ZNF429: variants seen among roughly 807,000 people sequenced by gnomAD.
ZNF429 encodes the protein zinc finger protein 429.
A neutral mutation model predicts 56.8 loss-of-function variants in ZNF429; 53 were observed. That is an observed-to-expected ratio of 0.93 (90% confidence interval 0.75 to 1.17). The LOEUF (loss-of-function observed/expected upper bound fraction) is 1.17. ZNF429 is among the 50% of genes most tolerant of loss of function. The pLI is 0.00. For missense variants in ZNF429, 849 were observed against 788.4 expected (o/e 1.08, Z -0.92); for synonymous variants, 278 against 264.7 (o/e 1.05, Z -0.49).
intron 1 of ZNF429, among the ~76,000 whole-genome samples, chr19:21,506,256 G>C (rs965855889): frequency 2.6e-5 from 4 of 152,076 alleles, no homozygotes; most frequent in African/African-American, 4.8e-5. Context: ...TCCGGCATTC[G>C]AGAACAGCCT....
intron 1 of ZNF429, among the ~76,000 whole-genome samples, chr19:21,527,573 C>A (rs970667116): frequency 6.6e-6 from 1 of 152,050 alleles, no homozygotes; most frequent in African/African-American, 2.4e-5. Context: ...TCCATACTAC[C>A]AATATTGTAG....
intron 1 of ZNF429, among the ~76,000 whole-genome samples, chr19:21,522,151 G>A (rs1471241187): frequency 6.6e-6 from 1 of 152,224 alleles, no homozygotes; most frequent in East Asian, 1.9e-4. Context: ...ATTTCTGCAG[G>A]AGAGTGAGAG....
chr19:21,511,527 G>T (rs1361044144), intron 1 of ZNF429, among the ~76,000 whole-genome samples: 16 of 152,018 alleles, frequency 1.1e-4, no homozygotes, highest in Non-Finnish European at 2.9e-5. Context: ...ATGGCAGCCG[G>T]GAAGAGGCGC....
intron 1 of ZNF429, among the ~76,000 whole-genome samples, chr19:21,510,059 C>T (rs751293040): frequency 5.5e-4 from 84 of 152,170 alleles, no homozygotes; most frequent in South Asian, 8.3e-4. Context: ...CAGGTGCCCG[C>T]GACCATGCCC....
At chr19:21,527,160 C>T (rs1422064868) in intron 1 of ZNF429, among the ~76,000 whole-genome samples, 2 of 152,020 alleles carry the variant, frequency 1.3e-5, no homozygotes, top group Non-Finnish European at 2.9e-5. Context: ...AATGGTGAGC[C>T]CAGGGGGAGT....
At position 21,535,381 on chromosome 19, in the gene ZNF429, TTTAC is replaced by T; in HGVS notation, c.227-896_227-893del. The stretch of plus-strand genomic sequence containing the variant: ...TTCTTCTTTCTTTCTTTCTTTCTTT[TTTAC>T]TTTCTTTCTTTCTTTCTTTCTTTTT... On this transcript the variant is annotated intron_variant, in intron 3 of 3. Coordinates refer to ENST00000358491, the MANE Select transcript of ZNF429 (RefSeq NM_001001415.4). Among the ~76,000 whole-genome samples, 127 of 48,986 alleles carry T rather than the reference TTTAC, an allele frequency of 2.6e-3. 1 individual carries two copies. Among genetic ancestry groups the T allele is most frequent in the Middle Eastern group, 0.012 (1 of 86 alleles). 32.1% of individuals were successfully genotyped at this position (48,986 alleles called of 152,430 possible). A position where few individuals can be genotyped will look rare whatever the true frequency, so the allele number is the denominator to read the frequency against.
At chr19:21,514,690 C>T (rs2032656045) in intron 1 of ZNF429, among the ~76,000 whole-genome samples, 1 of 151,988 alleles carries the variant, frequency 6.6e-6, no homozygotes, top group South Asian at 2.1e-4. Flanking sequence ...CTCCACCTCC[C>T]AGATTCAAGT....
chr19:21,512,706 G>A (rs2032558564), intron 1 of ZNF429, among the ~76,000 whole-genome samples: 1 of 148,526 alleles, frequency 6.7e-6, no homozygotes, highest in African/African-American at 2.5e-5. Context: ...TGCCTTAACT[G>A]TTTGGGAATG....
At chr19:21,531,114 A>AC in intron 3 of ZNF429, among the ~76,000 whole-genome samples, 4 of 98,270 alleles carry the variant, frequency 4.1e-5, no homozygotes, top group South Asian at 3.9e-4. Context: ...CTCAAAAAAA[A>AC]AAAAAAAAAA....
rs1237278144 is a variant in ZNF429 at position 21,538,943 on chromosome 19, CTTG to C, written c.*870_*872del. Among the ~76,000 whole-genome samples the C allele has an allele frequency of 1.3e-5, 2 of 152,278 alleles. No homozygotes were observed. Among genetic ancestry groups the C allele is most frequent in the Middle Eastern group, 3.4e-3 (1 of 294 alleles). ...TAGTGCATTTACTTGTATCACAGAT[CTTG>C]TTGTACACATTTTATACTAGAGGAA... On this transcript the variant is annotated 3_prime_UTR_variant, in exon 4 of 4. Coordinates refer to ENST00000358491, the MANE Select transcript of ZNF429 (RefSeq NM_001001415.4).
chr19:21,530,650 G>T lies in ZNF429; in HGVS notation c.192G>T (p.Lys64Asn), dbSNP rs1189302171. The change falls in exon 3 of 4, where the codon AAG becomes AAT. Residue 64 changes from lysine to asparagine, a missense_variant. Transcript: ENST00000358491. Reference sequence around the variant, plus strand: ...TAGAGAAAGAAAAAGAACCCTGCAAGATGAAGCGACATGAAATGGTGGATG... The same window carrying T: ...TAGAGAAAGAAAAAGAACCCTGCAATATGAAGCGACATGAAATGGTGGATG... The part of the protein sequence containing the change: ...TCLEKEKEPC[K>N]MKRHEMVDEP... 1 of 1,612,206 alleles carries T rather than the reference G, an allele frequency of 6.2e-7. No individual in the cohort carries two copies. The highest frequency in any genetic ancestry group is 1.7e-5 in the Admixed American group (1 of 59,892).
At chr19:21,516,095 G>C (rs1323134594) in intron 1 of ZNF429, among the ~76,000 whole-genome samples, 1 of 151,606 alleles carries the variant, frequency 6.6e-6, no homozygotes, top group Admixed American at 6.6e-5. Context: ...TTGAGACCTA[G>C]TCTCGCTTAA....
At position 21,536,973 on chromosome 19, in the gene ZNF429, A is replaced by G. The variant is rs2033710244; in HGVS notation, c.920A>G (p.His307Arg). The G allele has an allele frequency of 1.2e-6, 2 of 1,613,992 alleles. No individual in the cohort carries two copies. The highest frequency in any genetic ancestry group is 1.7e-6 in the Non-Finnish European group (2 of 1,179,952). The change falls in exon 4 of 4, where the codon CAT becomes CGT. Residue 307 changes from histidine (H) to arginine (R), a missense_variant. His to Arg is a conservative substitution (Grantham distance 29). Transcript: ENST00000358491. Reference sequence around the variant, plus strand: ...ACCTTTACTAAACATAAGATAATTCATACTGAAGAGAAACCCTACAAATGT... The same window carrying G: ...ACCTTTACTAAACATAAGATAATTCGTACTGAAGAGAAACCCTACAAATGT... ...SSTFTKHKIIHTEEKPYKCKE... is the reference protein window; with the variant it reads ...SSTFTKHKIIRTEEKPYKCKE...
At chr19:21,510,438 C>A (rs2032396315) in intron 1 of ZNF429, among the ~76,000 whole-genome samples, 1 of 151,916 alleles carries the variant, frequency 6.6e-6, no homozygotes, top group Non-Finnish European at 1.5e-5. Flanking sequence ...TGATCACACG[C>A]AAGAAAGAAT....
intron 1 of ZNF429, among the ~76,000 whole-genome samples, chr19:21,508,958 A>AT (rs762646377): frequency 7.2e-5 from 11 of 151,762 alleles, no homozygotes; most frequent in Non-Finnish European, 1.2e-4. Flanking sequence ...TTAATGCTGT[A>AT]TTTTTTAGAT....
chr19:21,536,577 G>C lies in ZNF429; in HGVS notation c.524G>C (p.Cys175Ser). The change falls in exon 4 of 4, where the codon TGT becomes TCT. Residue 175 changes from cysteine to serine, a missense_variant. Coordinates refer to ENST00000358491, the MANE Select transcript of ZNF429 (RefSeq NM_001001415.4). ...CATACTGGAAAGAAACCTTTCCAGT[G>C]TAAAAAATGTGGCAAATCATTTTGC... The part of the protein sequence containing the change: ...TRHTGKKPFQ[C>S]KKCGKSFCML... The C allele has an allele frequency of 6.2e-7, 1 of 1,613,630 alleles. No individual in the cohort carries two copies. The highest frequency in any genetic ancestry group is 8.5e-7 in the Non-Finnish European group (1 of 1,179,800).
chr19:21,521,374 A>G (rs1381194846), intron 1 of ZNF429: 3 of 152,226 alleles, frequency 2.0e-5, no homozygotes, highest in Non-Finnish European at 2.9e-5. Context: ...TGTCACATGT[A>G]TTTCACAATA....
chr19:21,515,279 T>C (rs1268075662), intron 1 of ZNF429, among the ~76,000 whole-genome samples: 1 of 150,960 alleles, frequency 6.6e-6, no homozygotes, highest in African/African-American at 2.4e-5. Context: ...TAGTAGCCAT[T>C]CTGACTGGTG....
At chr19:21,515,358 A>G (rs2145429124) in intron 1 of ZNF429, among the ~76,000 whole-genome samples, 1 of 151,740 alleles carries the variant, frequency 6.6e-6, no homozygotes, top group East Asian at 1.9e-4. Context: ...AGAAATACTC[A>G]TCAAATGCTT....
Sources: allele counts gnomAD v4.1 joint callset (sites outside exome capture counted in the v4.1 genomes callset), GRCh38; gene constraint gnomAD v4.1.1; transcripts MANE v1.5; gene names NCBI Gene and HGNC (gene_info 2026-07-23, HGNC 2026-07-21).